The following NKAIN2 variants were observed in gnomAD, a reference collection of about 807,000 sequenced individuals.
The protein encoded by NKAIN2 is sodium/potassium-transporting ATPase subunit beta-1-interacting protein 2.
A neutral mutation model predicts 32.6 loss-of-function variants in NKAIN2; 14 were observed. That is an observed-to-expected ratio of 0.43 (90% confidence interval 0.28 to 0.67). The LOEUF (loss-of-function observed/expected upper bound fraction) is 0.67. NKAIN2 is among the 30% of genes least tolerant of loss of function. NKAIN2 has a pLI of 0.17. For synonymous variants in NKAIN2, 80 were observed against 87.2 expected (o/e 0.92, Z 0.46); for missense variants, 198 against 258.3 (o/e 0.77, Z 1.60).
intron 1 of NKAIN2, among the ~76,000 whole-genome samples, chr6:124,060,274 G>A (rs564635487): frequency 1.8e-4 from 27 of 152,092 alleles, no homozygotes; most frequent in African/African-American, 4.8e-4. Context: ...TGGCATTTTC[G>A]TAGGTGCTTG....
chr6:124,690,541 A>G (rs1479730410), intron 4 of NKAIN2, among the ~76,000 whole-genome samples: 1 of 152,194 alleles, frequency 6.6e-6, no homozygotes, highest in African/African-American at 2.4e-5. Flanking sequence ...GTTTCTCACC[A>G]TTAAATATGA....
At chr6:124,542,528 T>C (rs2114847578) in intron 3 of NKAIN2, among the ~76,000 whole-genome samples, 1 of 152,272 alleles carries the variant, frequency 6.6e-6, no homozygotes. Flanking sequence ...AACTCAGATC[T>C]TCTGATTACA....
chr6:124,044,181 T>C (rs778246048), intron 1 of NKAIN2, among the ~76,000 whole-genome samples: 2 of 152,068 alleles, frequency 1.3e-5, no homozygotes, highest in Non-Finnish European at 2.9e-5. Context: ...ACCATTATTA[T>C]GTAGTAGGAT....
chr6:123,838,745 G>A (rs62436067), intron 1 of NKAIN2, among the ~76,000 whole-genome samples: 2,179 of 152,130 alleles, frequency 0.014, 20 homozygotes, highest in Middle Eastern at 0.041. Flanking sequence ...GGGGGTCAGG[G>A]GACCAGCGCA....
chr6:124,269,470 C>A (rs1252004636), intron 1 of NKAIN2, among the ~76,000 whole-genome samples: 2 of 126,414 alleles, frequency 1.6e-5, no homozygotes, highest in Non-Finnish European at 3.4e-5. Flanking sequence ...TTTTCTTTTT[C>A]TTTTTTTTTT....
At chr6:123,842,773 A>G (rs994167747) in intron 1 of NKAIN2, among the ~76,000 whole-genome samples, 2 of 152,086 alleles carry the variant, frequency 1.3e-5, no homozygotes, top group Non-Finnish European at 2.9e-5. Flanking sequence ...TAAAGACCCC[A>G]TGCTAGTTAA....
At chr6:124,619,853 G>A (rs1484367622) in intron 3 of NKAIN2, among the ~76,000 whole-genome samples, 1 of 152,112 alleles carries the variant, frequency 6.6e-6, no homozygotes, top group Non-Finnish European at 1.5e-5. Context: ...AAGAACACAT[G>A]GCTATGGAGT....
At chr6:124,593,205 T>TTG (rs10526889) in intron 3 of NKAIN2, among the ~76,000 whole-genome samples, 109,233 of 149,906 alleles carry the variant, frequency 0.73, 40,192 homozygotes, top group South Asian at 0.87. Context: ...GATGAGAGTT[T>TTG]TGTGTGTGTG....
At chr6:124,607,961 A>G (rs923311573) in intron 3 of NKAIN2, among the ~76,000 whole-genome samples, 24 of 152,160 alleles carry the variant, frequency 1.6e-4, no homozygotes, top group Admixed American at 9.8e-4. Context: ...AAGGTAGGCT[A>G]CGCTAAGCTA....
intron 3 of NKAIN2, among the ~76,000 whole-genome samples, chr6:124,414,630 T>C (rs1172700867): frequency 1.3e-5 from 2 of 152,200 alleles, no homozygotes; most frequent in African/African-American, 4.8e-5. Flanking sequence ...CCATTTGGAC[T>C]TGGAGTTTAT....
At chr6:124,672,908 A>C (rs1410856549) in intron 4 of NKAIN2, among the ~76,000 whole-genome samples, 1 of 151,998 alleles carries the variant, frequency 6.6e-6, no homozygotes, top group African/African-American at 2.4e-5. Flanking sequence ...ATGACCTGAA[A>C]TCCACCTTCT....
At chr6:124,420,043 TA>T (rs1385285901) in intron 3 of NKAIN2, among the ~76,000 whole-genome samples, 1 of 152,102 alleles carries the variant, frequency 6.6e-6, no homozygotes, top group African/African-American at 2.4e-5. Context: ...AATATACTGT[TA>T]AGTTAGCCAG....
intron 3 of NKAIN2, among the ~76,000 whole-genome samples, chr6:124,593,418 G>A (rs1433740448): frequency 6.6e-6 from 1 of 152,158 alleles, no homozygotes; most frequent in East Asian, 1.9e-4. Context: ...TTTTCCCTAA[G>A]TTCACCAATT....
rs566026890 is a variant in NKAIN2 at position 124,504,627 on chromosome 6, C to A, written c.273+149280C>A. 5.3e-5 allele frequency among the ~76,000 whole-genome samples: 8 copies of A among 152,246 alleles called. No individual in the cohort carries two copies. In the South Asian group the frequency reaches 8.3e-4, roughly 16 times the overall value. On this transcript the variant is annotated intron_variant, in intron 3 of 6. Transcript: ENST00000368417. ...GTCATTTTTCAAGTAATCAACAATG[C>A]CTCATCGGATTAGAATAGAAAACAT...
chr6:123,949,356 A>T (rs1197430999), intron 1 of NKAIN2, among the ~76,000 whole-genome samples: 1 of 151,996 alleles, frequency 6.6e-6, no homozygotes, highest in African/African-American at 2.4e-5. Context: ...TGGTAATTTA[A>T]TAGAGATTTC....
intron 1 of NKAIN2, chr6:123,828,672 C>G (rs1484471687): frequency 6.6e-6 from 1 of 152,184 alleles, no homozygotes; most frequent in African/African-American, 2.4e-5. Context: ...CTCCCTCTCC[C>G]CCTTAAGACT....
At chr6:124,414,624 T>C (rs1432778497) in intron 3 of NKAIN2, among the ~76,000 whole-genome samples, 1 of 152,180 alleles carries the variant, frequency 6.6e-6, no homozygotes, top group Non-Finnish European at 1.5e-5. Flanking sequence ...GTGAAGCCAT[T>C]TGGACTTGGA....
chr6:123,988,952 G>A (rs564758561), intron 1 of NKAIN2, among the ~76,000 whole-genome samples: 3 of 151,614 alleles, frequency 2.0e-5, no homozygotes, highest in African/African-American at 7.2e-5. Context: ...AAGATCCTTA[G>A]GAGAAGATCT....
intron 6 of NKAIN2, among the ~76,000 whole-genome samples, chr6:124,821,844 A>G (rs1219706410): frequency 6.6e-6 from 1 of 152,200 alleles, no homozygotes; most frequent in Non-Finnish European, 1.5e-5. Flanking sequence ...ATCCTAGAAC[A>G]GTAAGGTTTT....
Sources: allele counts gnomAD v4.1 joint callset (sites outside exome capture counted in the v4.1 genomes callset), GRCh38; gene constraint gnomAD v4.1.1; transcripts MANE v1.5; gene names NCBI Gene and HGNC (gene_info 2026-07-23, HGNC 2026-07-21).